MOCOS: variants seen among roughly 807,000 people sequenced by gnomAD.
The protein encoded by MOCOS is human molybdenum cofactor sulfurase.
A neutral mutation model predicts 83.6 loss-of-function variants in MOCOS; 86 were observed. The ratio of observed to expected loss-of-function variants is 1.03; its 90% CI spans 0.86 to 1.23. The LOEUF (loss-of-function observed/expected upper bound fraction) is 1.23, where lower values mean the gene tolerates loss of function less well. Ranked by LOEUF, MOCOS falls within the 50% of genes most tolerant of loss-of-function variation. The pLI is 0.00. For missense variants in MOCOS, 1,120 were observed against 1,126.9 expected (o/e 0.99, Z 0.09); for synonymous variants, 445 against 434.7 (o/e 1.02, Z -0.29).
rs142874467 is a variant in MOCOS at position 36,248,679 on chromosome 18, A to G, written c.1961-243A>G. Among the ~76,000 whole-genome samples the G allele has an allele frequency of 0.018, 2,703 of 152,310 alleles. 82 individuals carry two copies. The highest frequency in any genetic ancestry group is 0.062 in the African/African-American group (2,575 of 41,544). On this transcript the variant is annotated intron_variant, in intron 9 of 14. Coordinates refer to ENST00000261326, the MANE Select transcript of MOCOS (RefSeq NM_017947.4). ...CATATGGTTATCTAGTTTTCCCAGC[A>G]TCATTTATTGAAGAGAACTCTTCTT...
intron 11 of MOCOS, among the ~76,000 whole-genome samples, chr18:36,253,792 G>A (rs137901618): frequency 6.2e-4 from 95 of 152,278 alleles, no homozygotes; most frequent in African/African-American, 2.1e-3. Flanking sequence ...ATGTGAGCAG[G>A]GGAGTGACGG....
At chr18:36,211,248 A>G (rs1374703953) in intron 6 of MOCOS, among the ~76,000 whole-genome samples, 3 of 152,150 alleles carry the variant, frequency 2.0e-5, no homozygotes, top group Non-Finnish European at 2.9e-5. Flanking sequence ...TTCCTATGAG[A>G]AGGCTTTGTG....
In MOCOS at chr18:36,252,882, T is replaced by G. The variant is rs183990641; in HGVS notation, c.2164+1599T>G. On this transcript the variant is annotated intron_variant, in intron 11 of 14. Transcript: ENST00000261326. The stretch of plus-strand genomic sequence containing the variant: ...GTACTTAGAGTTTTTAAAGTTCTGA[T>G]GATTTTCACGCCATAAGCTGTTAAG... Among the ~76,000 whole-genome samples the G allele has an allele frequency of 3.4e-4, 52 of 152,344 alleles. No individual in the cohort carries two copies. The East Asian group carries it at 9.8e-3, about 29-fold the overall frequency.
chr18:36,204,317 C>T lies in MOCOS; in HGVS notation c.1019-760C>T, dbSNP rs547612767. 2.0e-5 allele frequency among the ~76,000 whole-genome samples: 3 copies of T among 152,276 alleles called. No individual in the cohort carries two copies. The South Asian group carries it at 6.2e-4, about 32-fold the overall frequency. On this transcript the variant is annotated intron_variant, in intron 5 of 14. Coordinates refer to ENST00000261326, the MANE Select transcript of MOCOS (RefSeq NM_017947.4). ...TCTTGGTAACTCATCTAAGTAGAATCATACGACATTTGTCCTTTTGTGTCT... is the reference window on the plus strand; with the variant it reads ...TCTTGGTAACTCATCTAAGTAGAATTATACGACATTTGTCCTTTTGTGTCT...
At position 36,268,705 on chromosome 18, in the gene MOCOS, G is replaced by C. The variant is rs55862324; in HGVS notation, c.*20G>C. 3.9e-4 allele frequency: 223 copies of C among 571,932 alleles called. 3 individuals are homozygous for C. Among genetic ancestry groups the C allele is most frequent in the South Asian group, 3.1e-3 (169 of 55,214 alleles). 35.4% of individuals were successfully genotyped at this position (571,932 alleles called of 1,614,324 possible). ...TCCTAAAAAAAATTTTTAGCATAAA[G>C]TTTCTCTTTTACAGTGATCTCTATT... On this transcript the variant is annotated 3_prime_UTR_variant, in exon 15 of 15. Coordinates refer to ENST00000261326, the MANE Select transcript of MOCOS (RefSeq NM_017947.4).
At chr18:36,268,384 T>A (rs2091688405) in intron 14 of MOCOS, 149 bp from the exon 15 acceptor site, 1 of 948,976 alleles carries the variant, frequency 1.1e-6, no homozygotes, top group African/African-American at 1.6e-5. Flanking sequence ...TCCAGTGCAT[T>A]CTACTGTGTA....
chr18:36,215,673 T>C lies in MOCOS; in HGVS notation c.1493T>C (p.Val498Ala). The C allele has an allele frequency of 4.3e-6, 7 of 1,614,166 alleles. No individual in the cohort carries two copies. The highest frequency in any genetic ancestry group is 5.9e-6 in the Non-Finnish European group (7 of 1,180,030). Residue 498 changes from valine (V) to alanine (A), a missense_variant, in exon 8 of 15, where the codon GTC (valine) becomes GCC (alanine). Val to Ala is a moderately conservative substitution (Grantham distance 64). Coordinates refer to ENST00000261326, the MANE Select transcript of MOCOS (RefSeq NM_017947.4). ...TRLHSSGDWP[V>A]PQAHADTGET... ...CTGCACTCATCAGGGGACTGGCCTGTCCCTCAGGCCCATGCTGACACCGGG... is the reference window on the plus strand; with the variant it reads ...CTGCACTCATCAGGGGACTGGCCTGCCCCTCAGGCCCATGCTGACACCGGG...
In MOCOS at chr18:36,215,793, G is replaced by T; in HGVS notation, c.1613G>T (p.Gly538Val). ...TCGCCTCAGGAAGATGCCCTCACAG[G>T]CTCCAGGGTTTGGAACAACTCGTCT... ...SLSPQEDALT[G>V]SRVWNNSSTV... Residue 538 changes from glycine (G) to valine (V), a missense_variant, in exon 8 of 15, where the codon GGC becomes GTC. By Grantham distance (109) the Gly-to-Val change is moderately radical. Transcript: ENST00000261326. 1 of 1,614,184 alleles carries T rather than the reference G, an allele frequency of 6.2e-7. No homozygotes were observed. The highest frequency in any genetic ancestry group is 8.5e-7 in the Non-Finnish European group (1 of 1,180,048).
At chr18:36,232,714 A>T (rs1301596141) in intron 9 of MOCOS, among the ~76,000 whole-genome samples, 1 of 152,144 alleles carries the variant, frequency 6.6e-6, no homozygotes, top group African/African-American at 2.4e-5. Flanking sequence ...AACTTAAAAA[A>T]TTCCCACATA....
intron 9 of MOCOS, among the ~76,000 whole-genome samples, chr18:36,222,548 G>T (rs1228493204): frequency 6.6e-6 from 1 of 151,334 alleles, no homozygotes; most frequent in African/African-American, 2.4e-5. Flanking sequence ...TTCTTTGGAG[G>T]AATACCTAGA....
At chr18:36,208,439 G>A (rs760295200) in intron 6 of MOCOS, among the ~76,000 whole-genome samples, 3 of 152,144 alleles carry the variant, frequency 2.0e-5, no homozygotes, top group Non-Finnish European at 2.9e-5. Context: ...AGTATGGAAT[G>A]TTTTTCCATT....
At chr18:36,266,560 A>G (rs1235820760) in intron 13 of MOCOS, among the ~76,000 whole-genome samples, 189 bp from the exon 14 acceptor site, 1 of 152,070 alleles carries the variant, frequency 6.6e-6, no homozygotes, top group Non-Finnish European at 1.5e-5. Flanking sequence ...TTGTCTGCAA[A>G]GACCTTAAGC....
Position 36,268,914 on chromosome 18 carries a change from A to C in MOCOS, c.*229A>C. 1.8e-6 allele frequency: 1 copy of C among 563,326 alleles called. No homozygotes were observed. The allele number at this position is 563,326 out of a possible 1,614,324, so 34.9% of individuals were successfully genotyped here. On this transcript the variant is annotated 3_prime_UTR_variant, in exon 15 of 15. Transcript: ENST00000261326. ...GGCCTCAGGAACGAATGCTGCACCC[A>C]CATCCAGTGAGGCTCCTGTAGGTAT...
At position 36,205,128 on chromosome 18, in the gene MOCOS, A is replaced by T; in HGVS notation, c.1070A>T (p.Tyr357Phe). The change falls in exon 6 of 15, where the codon TAC (tyrosine) becomes TTC (phenylalanine). Residue 357 changes from tyrosine to phenylalanine, a missense_variant. Transcript: ENST00000261326. ...QHTFTLAQYT[Y>F]VALSSLQYPN... ...ACCTTCACCTTGGCTCAGTATACCTACGTGGCCCTGTCCTCTCTCCAGTAC... is the reference window on the plus strand; with the variant it reads ...ACCTTCACCTTGGCTCAGTATACCTTCGTGGCCCTGTCCTCTCTCCAGTAC... 3 of 1,613,740 alleles carry T rather than the reference A, an allele frequency of 1.9e-6. No individual in the cohort carries two copies. In the South Asian group the frequency reaches 3.3e-5, roughly 18 times the overall value.
chr18:36,199,885 A>G lies in MOCOS; in HGVS notation c.502A>G (p.Ile168Val). ...MRNVTMAINV[I>V]STPVRPEDLW... ...GAACGTGACCATGGCTATAAATGTC[A>G]TATCCACCCCGGTCAGGCCAGAGGA... The change falls in exon 4 of 15, where the codon ATA (isoleucine) becomes GTA (valine). Residue 168 changes from isoleucine to valine, a missense_variant. Physicochemically the swap from Ile to Val is conservative, Grantham distance 29 (BLOSUM62 3). Transcript: ENST00000261326. The G allele has an allele frequency of 6.2e-7, 1 of 1,613,908 alleles. No individual in the cohort carries two copies. Among genetic ancestry groups the G allele is most frequent in the Non-Finnish European group, 8.5e-7 (1 of 1,179,828 alleles).
At position 36,260,240 on chromosome 18, in the gene MOCOS, AGACCTG is replaced by A. The variant is rs1189000889; in HGVS notation, c.2409+68_2409+73del. 2.5e-6 allele frequency: 4 copies of A among 1,603,884 alleles called. No homozygotes were observed. In the East Asian group the frequency reaches 8.9e-5, roughly 36 times the overall value. ...GTCAATGAAGATTGACCTCAATCCC[AGACCTG>A]GATAGCTGCAGGTGGGACTCCCTCC... On this transcript the variant is annotated intron_variant, in intron 13 of 14. Coordinates refer to ENST00000261326, the MANE Select transcript of MOCOS (RefSeq NM_017947.4).
At chr18:36,225,398 C>T (rs1568058224) in intron 9 of MOCOS, among the ~76,000 whole-genome samples, 1 of 152,168 alleles carries the variant, frequency 6.6e-6, no homozygotes, top group East Asian at 1.9e-4. Context: ...GATCTGCCTG[C>T]CTTGGCCTCC....
intron 9 of MOCOS, among the ~76,000 whole-genome samples, chr18:36,241,097 C>T (rs1031443207): frequency 2.6e-5 from 4 of 152,126 alleles, no homozygotes; most frequent in South Asian, 2.1e-4. Flanking sequence ...CCGTCTTCTG[C>T]GTCGCTCAGG....
chr18:36,197,354 C>A lies in MOCOS; in HGVS notation c.233-1336C>A, dbSNP rs555109193. Among the ~76,000 whole-genome samples, 8 of 152,278 alleles carry A rather than the reference C, an allele frequency of 5.3e-5. 1 individual carries two copies. The South Asian group carries it at 1.5e-3, about 28-fold the overall frequency. On this transcript the variant is annotated intron_variant, in intron 2 of 14. Coordinates refer to ENST00000261326, the MANE Select transcript of MOCOS (RefSeq NM_017947.4). ...CAGAGCCACAGCCACCTGTCTGGAA[C>A]ATGTAGAACAGACTCTTGCACTGGC...
Sources: gnomAD v4.1 joint callset for allele counts (sites outside exome capture counted in the v4.1 genomes callset) on GRCh38, gnomAD v4.1.1 for gene constraint, MANE v1.5 for transcripts, NCBI Gene and HGNC (gene_info 2026-07-23, HGNC 2026-07-21) for gene names.